The following AFG3L2 variants were observed in gnomAD, a reference collection of about 807,000 sequenced individuals.
The protein encoded by AFG3L2 is AFG3 like matrix AAA peptidase subunit 2.
AFG3L2 carries 54 observed loss-of-function variants against 94.5 expected under a neutral mutation model. That is an observed-to-expected ratio of 0.57 (90% CI 0.46 to 0.72). AFG3L2 has a LOEUF of 0.72. AFG3L2 is among the 30% of genes least tolerant of loss of function. The probability of loss-of-function intolerance (pLI) is 0.00; values close to 1 mark genes in which losing one functional copy is unlikely to be tolerated. For missense variants in AFG3L2, 754 were observed against 994.9 expected, an observed-to-expected ratio of 0.76 and a Z score of 3.26; for synonymous variants, 377 against 365.5, an observed-to-expected ratio of 1.03 and a Z score of -0.36.
At chr18:12,356,579 G>T in intron 9 of AFG3L2, 115 bp downstream of exon 9, 2 of 1,446,096 alleles carry the variant, frequency 1.4e-6, no homozygotes, top group Non-Finnish European at 1.9e-6. Context: ...GCCAGGGACT[G>T]GTGAGAGGTC....
At chr18:12,335,517 A>G (rs997341661) in intron 16 of AFG3L2, among the ~76,000 whole-genome samples, 1 of 152,156 alleles carries the variant, frequency 6.6e-6, no homozygotes, top group Non-Finnish European at 1.5e-5. Context: ...TGGAAAAAGC[A>G]GGGACCACAG....
chr18:12,362,929 C>T (rs1908704607), intron 6 of AFG3L2, among the ~76,000 whole-genome samples: 2 of 152,154 alleles, frequency 1.3e-5, no homozygotes, highest in South Asian at 4.1e-4. Flanking sequence ...CAACTTAATT[C>T]CCAGCACTAA....
At chr18:12,369,765 A>G (rs1299295486) in intron 3 of AFG3L2, among the ~76,000 whole-genome samples, 1 of 149,218 alleles carries the variant, frequency 6.7e-6, no homozygotes, top group African/African-American at 2.5e-5. Flanking sequence ...TCCCTAAAAA[A>G]GCAAGGATGG....
intron 15 of AFG3L2, 64 bp from the exon 16 acceptor site, chr18:12,337,599 A>C (rs750824338): frequency 6.6e-7 from 1 of 1,513,104 alleles, no homozygotes; most frequent in Non-Finnish European, 9.1e-7. Context: ...AAATCTACAC[A>C]GCAGCCTGGA....
Position 12,329,257 on chromosome 18 carries a change from C to A in AFG3L2, c.*308G>T. ...AGTGCAACGATCCCTGCCACACGGT[C>A]AGCCGACCCCACTTGGTGCCACAGG... is the stretch of plus-strand genomic sequence containing the variant. On this transcript the variant is annotated 3_prime_UTR_variant, in exon 17 of 17. Coordinates refer to ENST00000269143, the MANE Select transcript of AFG3L2 (RefSeq NM_006796.3). The A allele has an allele frequency of 2.9e-6, 2 of 701,178 alleles. No homozygotes were observed. Among genetic ancestry groups the A allele is most frequent in the South Asian group, 3.0e-5 (2 of 67,408 alleles). 43.4% of individuals were successfully genotyped at this position (701,178 alleles called of 1,614,324 possible). A position where few individuals can be genotyped will look rare whatever the true frequency, so the allele number is the denominator to read the frequency against.
chr18:12,377,020 C>A lies in AFG3L2; in HGVS notation c.63G>T (p.Gln21His). ...GGCCCACGCCGCCAGGCACGAGGAG[C>A]TGCTGTAGGCCGCGGGGCCAGCAGC... ...RGGCWPRGLQQLLVPGGVGPG... is the reference protein window; with the variant it reads ...RGGCWPRGLQHLLVPGGVGPG... Residue 21 changes from glutamine to histidine, a missense_variant, in exon 1 of 17, where the codon CAG (glutamine) becomes CAT (histidine). Transcript: ENST00000269143. The A allele has an allele frequency of 6.9e-7, 1 of 1,449,472 alleles. No homozygotes were observed. Among genetic ancestry groups the A allele is most frequent in the South Asian group, 1.3e-5 (1 of 74,848 alleles). 89.8% of individuals were successfully genotyped at this position (1,449,472 alleles called of 1,614,324 possible). A position where few individuals can be genotyped will look rare whatever the true frequency, so the allele number is the denominator to read the frequency against.
chr18:12,331,804 AATAAATATATATAT>A (rs1907533993), intron 16 of AFG3L2, among the ~76,000 whole-genome samples: 1 of 72,910 alleles, frequency 1.4e-5, no homozygotes, highest in East Asian at 3.8e-4. Context: ...AAAGTAAATA[AATAAATATATATAT>A]ATATATATAT....
intron 6 of AFG3L2, among the ~76,000 whole-genome samples, chr18:12,360,857 C>T (rs1908638610): frequency 6.6e-6 from 1 of 152,164 alleles, no homozygotes. Flanking sequence ...GGCTCCTGAA[C>T]CAGTGTCCTA....
intron 8 of AFG3L2, 94 bp from the exon 9 acceptor site, chr18:12,356,925 A>G: frequency 1.6e-6 from 2 of 1,260,844 alleles, no homozygotes; most frequent in South Asian, 1.3e-5. Flanking sequence ...CTCTGTCTCT[A>G]AATCTTATTG....
intron 1 of AFG3L2, among the ~76,000 whole-genome samples, chr18:12,376,551 A>G (rs1239167448): frequency 6.6e-6 from 1 of 152,166 alleles, no homozygotes; most frequent in Non-Finnish European, 1.5e-5. Context: ...GGGAACACGG[A>G]GACTCGGAGA....
intron 5 of AFG3L2, among the ~76,000 whole-genome samples, chr18:12,364,862 G>T (rs1908760634): frequency 1.3e-5 from 2 of 151,976 alleles, no homozygotes; most frequent in Admixed American, 1.3e-4. Context: ...TAGAGATGGG[G>T]TCTCCCTACA....
At chr18:12,365,979 A>G (rs1466224662) in intron 5 of AFG3L2, among the ~76,000 whole-genome samples, 2 of 144,440 alleles carry the variant, frequency 1.4e-5, no homozygotes. Context: ...GGTTCACGCC[A>G]TTCTCCTGCC....
chr18:12,349,291 G>C (rs1296405731), intron 12 of AFG3L2, among the ~76,000 whole-genome samples: 1 of 152,122 alleles, frequency 6.6e-6, no homozygotes, highest in East Asian at 1.9e-4. Flanking sequence ...GGAGAAACTG[G>C]GACCCTCACA....
At chr18:12,341,337 A>G (rs1312484594) in intron 14 of AFG3L2, 2 of 152,200 alleles carry the variant, frequency 1.3e-5, no homozygotes, top group African/African-American at 2.4e-5. Context: ...GTAGAGTTCA[A>G]TGAGTTTTGA....
chr18:12,338,929 C>A (rs977119772), intron 15 of AFG3L2, among the ~76,000 whole-genome samples: 1 of 152,070 alleles, frequency 6.6e-6, no homozygotes, highest in Non-Finnish European at 1.5e-5. Flanking sequence ...CCACGCCCAG[C>A]CTGAAATAAA....
Position 12,340,295 on chromosome 18 carries a change from A to C in AFG3L2, c.1886T>G (p.Leu629Ter). Residue 629 changes from leucine (L) to a stop codon, truncating the protein, a stop_gained, in exon 15 of 17, where the codon TTA becomes TGA. Transcript: ENST00000269143. LOFTEE classifies it high-confidence loss of function. ...EQLLDRMCMT[L>*]GGRVSEEIFF... ...GATTTCTTCAGAGACTCGACCACCT[A>C]AAGTCATACACATCCTATCCAAGAG... The C allele has an allele frequency of 1.2e-6, 2 of 1,614,156 alleles. No individual in the cohort carries two copies. The highest frequency in any genetic ancestry group is 1.7e-6 in the Non-Finnish European group (2 of 1,179,994).
intron 16 of AFG3L2, among the ~76,000 whole-genome samples, chr18:12,334,694 T>G (rs1907686795): frequency 6.6e-6 from 1 of 152,186 alleles, no homozygotes; most frequent in African/African-American, 2.4e-5. Context: ...AGGCACCACC[T>G]GAGGAGTGCT....
At chr18:12,352,827 T>C (rs1374813591) in intron 10 of AFG3L2, among the ~76,000 whole-genome samples, 178 bp downstream of exon 10, 1 of 151,824 alleles carries the variant, frequency 6.6e-6, no homozygotes, top group Non-Finnish European at 1.5e-5. Flanking sequence ...ATGAAAGGCA[T>C]AAAAAGTGCA....
At chr18:12,346,642 G>A (rs886319133) in intron 13 of AFG3L2, among the ~76,000 whole-genome samples, 1 of 152,088 alleles carries the variant, frequency 6.6e-6, no homozygotes, top group South Asian at 2.1e-4. Context: ...AGTGGCTCAC[G>A]CCTGTAATCC....
Sources: allele counts gnomAD v4.1 joint callset (sites outside exome capture counted in the v4.1 genomes callset), GRCh38; gene constraint gnomAD v4.1.1; transcripts MANE v1.5; gene names NCBI Gene and HGNC (gene_info 2026-07-23, HGNC 2026-07-21).